The following TTN variants were observed in gnomAD, a reference collection of about 807,000 sequenced individuals.
The protein encoded by TTN is titin, also known as connectin.
Under a neutral mutation model 3,223.0 loss-of-function variants are expected in TTN, and 1,525 were observed. That is an observed-to-expected ratio of 0.47 (90% confidence interval 0.45 to 0.49). The LOEUF (loss-of-function observed/expected upper bound fraction) is 0.49. TTN is among the 20% of genes least tolerant of loss of function. The probability of loss-of-function intolerance (pLI) is 0.00; values close to 1 mark genes in which losing one functional copy is unlikely to be tolerated. For missense variants in TTN, 40,786 were observed against 43,424.0 expected, an observed-to-expected ratio of 0.94 and a Z score of 5.40; for synonymous variants, 14,094 against 15,161.0, an observed-to-expected ratio of 0.93 and a Z score of 5.17.
chr2:178,790,627 T>C (rs1171298881), intron 11 of TTN, 81 bp downstream of exon 11: 1 of 1,606,888 alleles, frequency 6.2e-7, no homozygotes, highest in African/African-American at 1.3e-5. Context: ...GAAGTGATGA[T>C]TAAGATCCAT....
At position 178,533,472 on chromosome 2, in the gene TTN, G is replaced by A. The variant is rs183058255; in HGVS notation, c.103143C>T (p.Cys34381=). 5.0e-6 allele frequency: 8 copies of A among 1,613,580 alleles called. No homozygotes were observed. In the Admixed American group the frequency reaches 1.3e-4, roughly 27 times the overall value. Residue 34381 remains cysteine (C), a synonymous_variant, in exon 358 of 363, where the codon TGC becomes TGT. Coordinates refer to ENST00000589042, the MANE Select transcript of TTN (RefSeq NM_001267550.2). ...GGATGCCAGACACTCTGATCTCAAA[G>A]CAGACACTTTGGCCTTCTTGGCATT... ...NAECQEGQSV[C]FEIRVSGIPP...
In TTN at chr2:178,563,272, G is replaced by A; in HGVS notation, c.82860C>T (p.Cys27620=). ...TTCCTTGTAATCCTGTTGGTGGAGT[G>A]CAGGTTGTCCATTCATCCGCAGCAG... ...KEAAADEWTT[C]TPPTGLQGKQ... The change falls in exon 326 of 363, where the codon TGC becomes TGT. Residue 27620 remains cysteine (C), a synonymous_variant. Coordinates refer to ENST00000589042, the MANE Select transcript of TTN (RefSeq NM_001267550.2). The surrounding 1 kb of genome is among the most constrained non-coding windows in gnomAD (Gnocchi z 4.5). 5 of 1,613,650 alleles carry A rather than the reference G, an allele frequency of 3.1e-6. No individual in the cohort carries two copies. Among genetic ancestry groups the A allele is most frequent in the Non-Finnish European group, 3.4e-6 (4 of 1,179,700 alleles).
At chr2:178,685,431 C>T (rs1208845680) in intron 128 of TTN, 87 bp downstream of exon 128, 5 of 1,465,044 alleles carry the variant, frequency 3.4e-6, no homozygotes, top group Non-Finnish European at 4.7e-6. Context: ...TCAATATTTG[C>T]AATATGGATG....
Position 178,577,411 on chromosome 2 carries a change from G to A in TTN, c.68924C>T (p.Pro22975Leu). The A allele has an allele frequency of 6.2e-7, 1 of 1,612,238 alleles. No homozygotes were observed. The highest frequency in any genetic ancestry group is 8.5e-7 in the Non-Finnish European group (1 of 1,179,272). ...CTTGGACCAACTTGATTTTGGAAGG[G>A]GTTTGCCAAGAATGCTAATGGCATT... ...VLNAISILGK[P>L]LPKSSWSKAG... The change falls in exon 324 of 363, where the codon CCC becomes CTC. Residue 22975 changes from proline (P) to leucine (L), a missense_variant. Transcript: ENST00000589042.
Position 178,591,181 on chromosome 2 carries a change from G to T in TTN, c.60544C>A (p.Leu20182Met). ...GTCATGTGTTCAGGAGTAACATCCA[G>T]AATATTAATAGGACCTGTTGGTGGC... ...PGPPTGPINI[L>M]DVTPEHMTIS... Residue 20182 changes from leucine (L) to methionine (M), a missense_variant, in exon 304 of 363, where the codon CTG becomes ATG. Physicochemically the swap from Leu to Met is conservative, Grantham distance 15. Coordinates refer to ENST00000589042, the MANE Select transcript of TTN (RefSeq NM_001267550.2). 2 of 1,613,358 alleles carry T rather than the reference G, an allele frequency of 1.2e-6. No individual in the cohort carries two copies. The highest frequency in any genetic ancestry group is 1.7e-6 in the Non-Finnish European group (2 of 1,179,548).
intron 262 of TTN, 33 bp downstream of exon 262, chr2:178,614,019 C>CTT: frequency 6.8e-7 from 1 of 1,468,142 alleles, no homozygotes; most frequent in Admixed American, 1.9e-5. Flanking sequence ...CATAAGCATC[C>CTT]TTTTTTTTTT....
At chr2:178,748,553 A>C (rs977746403) in intron 47 of TTN, 2 of 1,612,950 alleles carry the variant, frequency 1.2e-6, no homozygotes, top group African/African-American at 2.7e-5. Context: ...TTTTAGATCA[A>C]ATACAATGTT....
rs750094299 is a variant in TTN at position 178,675,931 on chromosome 2, G to C, written c.34443C>G (p.Pro11481=). The C allele has an allele frequency of 6.2e-7, 1 of 1,607,788 alleles. No homozygotes were observed. The highest frequency in any genetic ancestry group is 8.5e-7 in the Non-Finnish European group (1 of 1,176,636). ...TCGGAATAGCAATACCTTTGGCAGG[G>C]GGAGCCTCCTCTTTCTTGGGAATGA... is the stretch of plus-strand genomic sequence containing the variant. The part of the protein sequence containing the change: ...KVVIPKKEEA[P]PAKVSVVPKK... The change falls in exon 148 of 363, where the codon CCC becomes CCG. Residue 11481 remains proline, a synonymous_variant. Transcript: ENST00000589042.
At chr2:178,767,422 T>C (rs1169427580) in intron 40 of TTN, among the ~76,000 whole-genome samples, 1 of 152,248 alleles carries the variant, frequency 6.6e-6, no homozygotes, top group Non-Finnish European at 1.5e-5. Flanking sequence ...TTGTTCTAAA[T>C]TTCCTTAATT....
Position 178,539,593 on chromosome 2 carries a change from A to G in TTN, c.98472T>C (p.Gly32824=), listed in dbSNP as rs879241336. 6.2e-7 allele frequency: 1 copy of G among 1,613,864 alleles called. No individual in the cohort carries two copies. The highest frequency in any genetic ancestry group is 1.3e-5 in the African/African-American group (1 of 75,026). The part of the protein sequence containing the change: ...RVSWRPPADD[G]GADILGYILE... ...GGATGTAGCCTAAGATGTCAGCACC[A>G]CCATCATCAGCAGGAGGTCTCCAGC... The change falls in exon 352 of 363, where the codon GGT becomes GGC. Residue 32824 remains glycine (G), a synonymous_variant. Transcript: ENST00000589042.
Position 178,581,535 on chromosome 2 carries a change from C to A in TTN, c.66733G>T (p.Asp22245Tyr). The A allele has an allele frequency of 8.1e-6, 13 of 1,609,340 alleles. No homozygotes were observed. Among genetic ancestry groups the A allele is most frequent in the Non-Finnish European group, 1.0e-5 (12 of 1,176,816 alleles). ...TTGGGATAGTGTTTATCTGGCACAT[C>A]ACTGGGGTCACTGTATCCAATCTTA... ...VNKIGYSDPS[D>Y]VPDKHYPKDI... The change falls in exon 316 of 363, where the codon GAT becomes TAT. Residue 22245 changes from aspartate (D) to tyrosine (Y), a missense_variant. Physicochemically the swap from Asp to Tyr is radical, Grantham distance 160. Coordinates refer to ENST00000589042, the MANE Select transcript of TTN (RefSeq NM_001267550.2).
chr2:178,727,441 A>G lies in TTN; in HGVS notation c.19994-70T>C, dbSNP rs901548314. 9 of 1,510,086 alleles carry G rather than the reference A, an allele frequency of 6.0e-6. No homozygotes were observed. In the African/African-American group the frequency reaches 9.8e-5, roughly 16 times the overall value. 93.5% of individuals were successfully genotyped at this position (1,510,086 alleles called of 1,614,324 possible). ...TAACAATAGTTAAATTAGATAGTAT[A>G]CAGGCAAGAGAAAAACATGAGCAAA... On this transcript the variant is annotated intron_variant, in intron 68 of 362. Transcript: ENST00000589042.
In TTN at chr2:178,573,176, T is replaced by C; in HGVS notation, c.72956A>G (p.Asp24319Gly). 6.2e-7 allele frequency: 1 copy of C among 1,611,668 alleles called. No individual in the cohort carries two copies. Among genetic ancestry groups the C allele is most frequent in the Non-Finnish European group, 8.5e-7 (1 of 1,178,626 alleles). ...SPTSPFYKAC[D>G]TVFKPGPPGN... The stretch of plus-strand genomic sequence containing the variant: ...TGGTGGTCCAGGTTTAAACACAGTG[T>C]CACAAGCCTTGTAAAATGGACTGGT... Residue 24319 changes from aspartate (D) to glycine (G), a missense_variant, in exon 326 of 363, where the codon GAC becomes GGC. Physicochemically the swap from Asp to Gly is moderately conservative, Grantham distance 94 (BLOSUM62 -1). Transcript: ENST00000589042.
At chr2:178,764,132 T>C (rs2089915003) in intron 43 of TTN, 45 bp downstream of exon 43, 1 of 1,613,802 alleles carries the variant, frequency 6.2e-7, no homozygotes, top group Non-Finnish European at 8.5e-7. Flanking sequence ...TCCCATGTAA[T>C]TATTTGTAAG....
At chr2:178,555,511 C>G (rs1245969887) in intron 330 of TTN, 1 of 204,416 alleles carries the variant, frequency 4.9e-6, no homozygotes, top group Non-Finnish European at 9.6e-6. Flanking sequence ...CTACGCACCT[C>G]CTATTCTTTT....
Position 178,620,110 on chromosome 2 carries a change from T to C in TTN, c.46307A>G (p.Tyr15436Cys). 6.2e-7 allele frequency: 1 copy of C among 1,608,774 alleles called. No homozygotes were observed. Among genetic ancestry groups the C allele is most frequent in the South Asian group, 1.1e-5 (1 of 89,582 alleles). The change falls in exon 249 of 363, where the codon TAC (tyrosine) becomes TGC (cysteine). Residue 15436 changes from tyrosine to cysteine, a missense_variant and splice_region_variant. Tyr to Cys is a radical substitution (Grantham distance 194). Coordinates refer to ENST00000589042, the MANE Select transcript of TTN (RefSeq NM_001267550.2). ...NGREIKEGKK[Y>C]KFEKDGSIHR... ...TATACTTCCATCTTTTTCAAATTTG[T>C]ATCTAAAGGAGACATTGGATTATCA...
Position 178,526,993 on chromosome 2 carries a change from T to C in TTN, c.*19A>G. Reference sequence around the variant, plus strand: ...CGAAAAGTTAAGAATGAGTGTAGAGTATAAGGGCACAGGCCCTCTTAAATG... The same window carrying C: ...CGAAAAGTTAAGAATGAGTGTAGAGCATAAGGGCACAGGCCCTCTTAAATG... On this transcript the variant is annotated 3_prime_UTR_variant, in exon 363 of 363. Transcript: ENST00000589042. The C allele has an allele frequency of 6.3e-7, 1 of 1,594,820 alleles. No homozygotes were observed. The highest frequency in any genetic ancestry group is 8.6e-7 in the Non-Finnish European group (1 of 1,167,898).
Position 178,539,217 on chromosome 2 carries a change from T to C in TTN, c.98718A>G (p.Val32906=). ...PPEPPSNPPE[V]LDVTKSSVSL... ...TAACAGAACTCTTGGTTACATCGAG[T>C]ACTTCTGGAGGATTGCTTGGAGGTT... The change falls in exon 353 of 363, where the codon GTA becomes GTG. Residue 32906 remains valine (V), a synonymous_variant. Transcript: ENST00000589042. 6.2e-7 allele frequency: 1 copy of C among 1,613,760 alleles called. No homozygotes were observed. The highest frequency in any genetic ancestry group is 1.1e-5 in the South Asian group (1 of 91,064).
At position 178,678,493 on chromosome 2, in the gene TTN, T is replaced by C. The variant is rs746220265; in HGVS notation, c.33831A>G (p.Pro11277=). The change falls in exon 144 of 363, where the codon CCA becomes CCG. Residue 11277 remains proline, a synonymous_variant. Coordinates refer to ENST00000589042, the MANE Select transcript of TTN (RefSeq NM_001267550.2). The part of the protein sequence containing the change: ...KKVEAPPAKV[P]EVPKKPVPEK... Reference sequence around the variant, plus strand: ...CAGGCACAGGCTTCTTGGGTACCTCTGGCACTTTAACGAAATGATTTAGAG... The same window carrying C: ...CAGGCACAGGCTTCTTGGGTACCTCCGGCACTTTAACGAAATGATTTAGAG... 7.0e-6 allele frequency: 11 copies of C among 1,574,604 alleles called. No individual in the cohort carries two copies. The East Asian group carries it at 2.5e-4, about 36-fold the overall frequency.
Sources: gnomAD v4.1 joint callset for allele counts (sites outside exome capture counted in the v4.1 genomes callset) on GRCh38, gnomAD v4.1.1 for gene constraint, Gnocchi (gnomAD v3.1) non-coding constraint, MANE v1.5 for transcripts, NCBI Gene and HGNC (gene_info 2026-07-23, HGNC 2026-07-21) for gene names.